PGS1: variants seen among roughly 807,000 people sequenced by gnomAD.
PGS1 encodes the protein CDP-diacylglycerol--glycerol-3-phosphate 3-phosphatidyltransferase, mitochondrial.
In PGS1, 44 loss-of-function variants were observed where a neutral mutation model predicts 58.3. The observed-to-expected ratio is 0.75, with a 90% CI of 0.59 to 0.97. The LOEUF (loss-of-function observed/expected upper bound fraction) is 0.97, where lower values mean the gene tolerates loss of function less well. Ranked by LOEUF, PGS1 falls within the 50% of genes least tolerant of loss-of-function variation. PGS1 has a pLI of 0.00. For missense variants in PGS1, 684 were observed against 731.1 expected (o/e 0.94, Z 0.74); for synonymous variants, 330 against 311.0 (o/e 1.06, Z -0.64).
intron 7 of PGS1, among the ~76,000 whole-genome samples, chr17:78,405,152 TA>T (rs56365919): frequency 0.082 from 12,503 of 151,930 alleles, 667 homozygotes; most frequent in Middle Eastern, 0.16. Context: ...CATGCACCAT[TA>T]CGCCTGGCTA....
chr17:78,398,017 G>T (rs1301152538), intron 3 of PGS1: 3 of 605,922 alleles, frequency 5.0e-6, no homozygotes, highest in Non-Finnish European at 9.3e-6. Flanking sequence ...CTGCCTGCAG[G>T]TCCCTTTCCA....
intron 7 of PGS1, among the ~76,000 whole-genome samples, chr17:78,409,487 C>A (rs1216834642): frequency 6.6e-6 from 1 of 152,222 alleles, no homozygotes; most frequent in Non-Finnish European, 1.5e-5. Flanking sequence ...GGCGGGCAGC[C>A]CCACCCTGTT....
At chr17:78,398,372 G>A (rs774330496) in intron 4 of PGS1, 21 bp downstream of exon 4, 1 of 1,485,612 alleles carries the variant, frequency 6.7e-7, no homozygotes, top group Admixed American at 1.7e-5. Flanking sequence ...TGCAAGCCTG[G>A]CCCCTCCTGC....
intron 1 of PGS1, among the ~76,000 whole-genome samples, chr17:78,391,393 G>T (rs1456978143): frequency 1.3e-5 from 2 of 152,134 alleles, no homozygotes; most frequent in Non-Finnish European, 2.9e-5. Flanking sequence ...TCATAGCTGG[G>T]AGAACAGCCT....
chr17:78,416,580 GA>G, intron 8 of PGS1, among the ~76,000 whole-genome samples: 1 of 152,202 alleles, frequency 6.6e-6, no homozygotes, highest in East Asian at 1.9e-4. Flanking sequence ...TGGATCTTGA[GA>G]AAAGCTGGGG....
chr17:78,410,677 A>T (rs553489140), intron 7 of PGS1, among the ~76,000 whole-genome samples: 11 of 151,890 alleles, frequency 7.2e-5, no homozygotes, highest in East Asian at 5.9e-4. Flanking sequence ...TTTCACCATG[A>T]TGGCCAGGCT....
rs369407632 is a variant in PGS1 at position 78,400,778 on chromosome 17, C to T, written c.803C>T (p.Ala268Val). Reference sequence around the variant, plus strand: ...GACTTCTTCACGGAGCTGGTGGACGCGGTGGGGGATGTGTCCCTGCAGCTG... The same window carrying T: ...GACTTCTTCACGGAGCTGGTGGACGTGGTGGGGGATGTGTCCCTGCAGCTG... ...IADFFTELVD[A>V]VGDVSLQLQG... is the part of the protein sequence containing the mutation. Residue 268 changes from alanine (A) to valine (V), a missense_variant, in exon 6 of 10, where the codon GCG becomes GTG. Transcript: ENST00000262764. The surrounding 1 kb of genome is among the most constrained non-coding windows in gnomAD (Gnocchi z 4.4). The T allele has an allele frequency of 7.4e-5, 119 of 1,613,700 alleles. No homozygotes were observed. Among genetic ancestry groups the T allele is most frequent in the East Asian group, 8.9e-5 (4 of 44,866 alleles).
In PGS1 at chr17:78,424,175, G is replaced by A; in HGVS notation, c.*125G>A. ...GCCCCTGCAGGGACAGTATGGCTGA[G>A]GGTCAGGTGTGCTGCCAGTAAGTGA... is the stretch of plus-strand genomic sequence containing the variant. On this transcript the variant is annotated 3_prime_UTR_variant, in exon 10 of 10. Transcript: ENST00000262764. 5 of 1,593,156 alleles carry A rather than the reference G, an allele frequency of 3.1e-6. No homozygotes were observed. The highest frequency in any genetic ancestry group is 4.3e-6 in the Non-Finnish European group (5 of 1,169,558).
intron 9 of PGS1, among the ~76,000 whole-genome samples, chr17:78,422,550 G>A (rs2085946989): frequency 8.0e-6 from 1 of 125,126 alleles, no homozygotes; most frequent in South Asian, 2.8e-4. Flanking sequence ...CCAGGCTGGA[G>A]TGAGTGGCAT....
rs552126823 is a variant in PGS1, at chr17:78,402,392, C to T, written c.881-1176C>T. Among the ~76,000 whole-genome samples, 197 of 74,552 alleles carry T rather than the reference C, an allele frequency of 2.6e-3. 1 individual carries two copies. Among genetic ancestry groups the T allele is most frequent in the African/African-American group, 7.7e-3 (183 of 23,768 alleles). The allele number at this position is 74,552 out of a possible 152,430, so 48.9% of individuals were successfully genotyped here. ...TGTATCATTTTCATTCTAGTAATTT[C>T]TATTCATATATATATATATATATAT... On this transcript the variant is annotated intron_variant, in intron 6 of 9. Coordinates refer to ENST00000262764, the MANE Select transcript of PGS1 (RefSeq NM_024419.5).
At chr17:78,401,277 TGACCCAGAA>T (rs2083641878) in intron 6 of PGS1, among the ~76,000 whole-genome samples, 1 of 152,012 alleles carries the variant, frequency 6.6e-6, no homozygotes, top group South Asian at 2.1e-4. Context: ...CCTGGGCGAG[TGACCCAGAA>T]GCCTGCCCTG....
intron 1 of PGS1, among the ~76,000 whole-genome samples, chr17:78,384,486 A>T (rs1393550369): frequency 1.3e-5 from 2 of 152,198 alleles, no homozygotes; most frequent in African/African-American, 4.8e-5. Context: ...GTAGTTTCTG[A>T]AAATATTGCA....
At position 78,416,436 on chromosome 17, in the gene PGS1, T is replaced by C. The variant is rs1286859262; in HGVS notation, c.1551+1409T>C. On this transcript the variant is annotated intron_variant, in intron 8 of 9. Coordinates refer to ENST00000262764, the MANE Select transcript of PGS1 (RefSeq NM_024419.5). ...AGGGCGGTAGAGAGTCCTTGGTGAC[T>C]TTGGCCAGGGGCCAGGATGGGTTCT... Among the ~76,000 whole-genome samples, 4 of 152,186 alleles carry C rather than the reference T, an allele frequency of 2.6e-5. No individual in the cohort carries two copies. In the East Asian group the frequency reaches 7.7e-4, roughly 29 times the overall value.
intron 8 of PGS1, among the ~76,000 whole-genome samples, chr17:78,417,928 A>AT (rs55853667): frequency 8.6e-5 from 11 of 128,320 alleles, no homozygotes; most frequent in African/African-American, 2.0e-4. Context: ...GCATATATAA[A>AT]TTTTTTTTTT....
chr17:78,407,125 T>G (rs1163813919), intron 7 of PGS1, among the ~76,000 whole-genome samples: 1 of 151,384 alleles, frequency 6.6e-6, no homozygotes, highest in African/African-American at 2.4e-5. Flanking sequence ...AGTGGGAAAT[T>G]GGGGATGATC....
intron 9 of PGS1, chr17:78,420,628 G>A (rs1409061725): frequency 6.6e-6 from 1 of 152,178 alleles, no homozygotes; most frequent in African/African-American, 2.4e-5. Context: ...GTGCAGCGTG[G>A]GCTCCCTTAG....
intron 7 of PGS1, among the ~76,000 whole-genome samples, chr17:78,409,227 C>G (rs1005244987): frequency 3.3e-5 from 5 of 152,232 alleles, no homozygotes; most frequent in African/African-American, 1.2e-4. Flanking sequence ...TGGGCTCTGC[C>G]CTCCGGCGTG....
intron 1 of PGS1, among the ~76,000 whole-genome samples, chr17:78,386,723 C>A (rs2082408910): frequency 6.6e-6 from 1 of 152,142 alleles, no homozygotes; most frequent in South Asian, 2.1e-4. Context: ...AGGTGGTCAG[C>A]CCCTGGAGGC....
Position 78,383,032 on chromosome 17 carries a change from C to T in PGS1, c.143+4224C>T, listed in dbSNP as rs542279752. 3.9e-5 allele frequency among the ~76,000 whole-genome samples: 6 copies of T among 152,302 alleles called. No individual in the cohort carries two copies. In the East Asian group the frequency reaches 9.6e-4, roughly 24 times the overall value. ...TAGTTCCTAATCTTGAACTTGCCTA[C>T]TATACAAGGAAATATTTATCTGTGG... On this transcript the variant is annotated intron_variant, in intron 1 of 9. Coordinates refer to ENST00000262764, the MANE Select transcript of PGS1 (RefSeq NM_024419.5).
Sources: gnomAD v4.1 joint callset for allele counts (sites outside exome capture counted in the v4.1 genomes callset) on GRCh38, gnomAD v4.1.1 for gene constraint, Gnocchi (gnomAD v3.1) non-coding constraint, MANE v1.5 for transcripts, NCBI Gene and HGNC (gene_info 2026-07-23, HGNC 2026-07-21) for gene names.